Variants in ZNF550 observed in about 807,000 individuals in gnomAD.
ZNF550 encodes zinc finger protein 550.
In ZNF550, 42 loss-of-function variants were observed where a neutral mutation model predicts 40.2. The ratio of observed to expected loss-of-function variants is 1.05; its 90% CI spans 0.82 to 1.35. The LOEUF (loss-of-function observed/expected upper bound fraction) is 1.35. ZNF550 is among the 40% of genes most tolerant of loss of function. The pLI, the probability that ZNF550 is intolerant of heterozygous loss-of-function variation, is 0.00. For synonymous variants in ZNF550, 223 were observed against 198.6 expected (o/e 1.12, Z -1.03); for missense variants, 549 against 525.2 (o/e 1.05, Z -0.44).
exon 4 of ZNF550, chr19:57,546,782 A>G: frequency 7.3e-7 from 1 of 1,371,194 alleles, no homozygotes; most frequent in South Asian, 1.9e-5. Context: ...CCTTACATTC[A>G]CTGTATTCAC....
chr19:57,543,287 A>T, intron 4 of ZNF550: 1 of 740,688 alleles, frequency 1.4e-6, no homozygotes, highest in African/African-American at 1.9e-5. Context: ...ACATTTCCAC[A>T]TGTGCATGAA....
At chr19:57,559,546 A>C (rs1051529921) in intron 1 of ZNF550, 110 bp downstream of exon 1, 22 of 1,100,388 alleles carry the variant, frequency 2.0e-5, no homozygotes, top group Non-Finnish European at 2.6e-5. Context: ...GCCTCTAAGA[A>C]GCAACGGCAG....
At chr19:57,560,035 G>T (rs1199270163), upstream of ZNF550, among the ~76,000 whole-genome samples, 1 of 152,230 alleles carries the variant, frequency 6.6e-6, no homozygotes, top group Admixed American at 6.5e-5. Context: ...GTACACACTG[G>T]ATTGTAAATT....
At chr19:57,547,734 G>A in exon 4 of ZNF550, 1 of 1,614,128 alleles carries the variant, frequency 6.2e-7, no homozygotes, top group Non-Finnish European at 8.5e-7. Flanking sequence ...GTAATGCCCT[G>A]GAGTGCAGAC....
intron 4 of ZNF550, chr19:57,544,312 C>G (rs2089988837): frequency 1.0e-6 from 1 of 985,422 alleles, no homozygotes; most frequent in African/African-American, 1.7e-5. Context: ...GAGCTGGAAG[C>G]TAAGAAAAAC....
chr19:57,559,821 A>C, exon 1 of ZNF550: 9 of 689,318 alleles, frequency 1.3e-5, no homozygotes, highest in Non-Finnish European at 1.6e-5. Flanking sequence ...GCGGACCAAC[A>C]CGCCCCACCA....
chr19:57,561,100 T>TTC (rs1037830721), upstream of ZNF550, among the ~76,000 whole-genome samples: 136 of 152,364 alleles, frequency 8.9e-4, 1 homozygote, highest in South Asian at 0.015. The surrounding 1 kb of genome is among the most constrained non-coding windows in gnomAD (Gnocchi z 4.9). Context: ...TGGCCATTCT[T>TTC]TCTCTTATTT....
Position 57,545,879 on chromosome 19 carries a change from G to A in ZNF550, c.*518+578C>T, listed in dbSNP as rs567625778. On this transcript the variant is annotated intron_variant, in intron 4 of 4. Coordinates refer to ENST00000457177, the Ensembl canonical transcript of ZNF550. Reference sequence around the variant, plus strand: ...ATTACAAACATTAGCCAGGCGTAGTGGTGTATGCCTGTATCCCAAGCTACT... The same window carrying A: ...ATTACAAACATTAGCCAGGCGTAGTAGTGTATGCCTGTATCCCAAGCTACT... 5.3e-4 allele frequency among the ~76,000 whole-genome samples: 80 copies of A among 152,246 alleles called. 1 individual carries two copies. The South Asian group carries it at 0.015, about 28-fold the overall frequency.
chr19:57,549,305 C>T (rs758725163), intron 3 of ZNF550, among the ~76,000 whole-genome samples: 1 of 151,954 alleles, frequency 6.6e-6, no homozygotes, highest in South Asian at 2.1e-4. Context: ...ATTAGCCAGG[C>T]GTGGTGGTGC....
chr19:57,552,856 A>C, intron 2 of ZNF550, 134 bp from the exon 3 acceptor site: 1 of 634,256 alleles, frequency 1.6e-6, no homozygotes, highest in Non-Finnish European at 2.7e-6. Flanking sequence ...TGCTGATGTG[A>C]GCCCTGAAAA....
chr19:57,545,077 G>A (rs1031700620), intron 4 of ZNF550, among the ~76,000 whole-genome samples: 17 of 152,274 alleles, frequency 1.1e-4, no homozygotes, highest in Non-Finnish European at 2.4e-4. Flanking sequence ...AGCCAAGATC[G>A]CACTCCTGCA....
chr19:57,559,392 G>A (rs927449763), intron 1 of ZNF550, among the ~76,000 whole-genome samples: 2 of 152,160 alleles, frequency 1.3e-5, no homozygotes, highest in African/African-American at 2.4e-5. Context: ...GGAGGACTGC[G>A]GTCGCTCCTC....
At chr19:57,557,616 GTC>G (rs2090134283) in intron 1 of ZNF550, 1 of 152,120 alleles carries the variant, frequency 6.6e-6, no homozygotes, top group African/African-American at 2.4e-5. Flanking sequence ...TCTATACTTT[GTC>G]TCTGTGTCTT....
intron 3 of ZNF550, 107 bp from the exon 4 acceptor site, chr19:57,548,100 T>G: frequency 1.9e-6 from 2 of 1,033,324 alleles, no homozygotes; most frequent in Non-Finnish European, 2.8e-6. Context: ...GTGCCTATGA[T>G]ACTTGCTGCA....
intron 2 of ZNF550, chr19:57,556,025 G>A (rs2090117581): frequency 1.8e-6 from 1 of 569,314 alleles, no homozygotes; most frequent in Non-Finnish European, 3.0e-6. Flanking sequence ...AAGGACCTCA[G>A]AATGGGCTGA....
exon 4 of ZNF550, chr19:57,547,226 C>G (rs1293828652): frequency 2.5e-6 from 4 of 1,614,160 alleles, no homozygotes; most frequent in Non-Finnish European, 3.4e-6. Flanking sequence ...TAGGGCTTCT[C>G]TCCAGTGTGG....
exon 4 of ZNF550, chr19:57,547,538 A>G: frequency 6.2e-7 from 1 of 1,614,188 alleles, no homozygotes; most frequent in Non-Finnish European, 8.5e-7. Flanking sequence ...GCTTTCCCAC[A>G]TGCATTGCAT....
exon 5 of ZNF550, chr19:57,542,292 T>A (rs1333145981): frequency 6.7e-6 from 1 of 149,436 alleles, no homozygotes; most frequent in African/African-American, 2.5e-5. Context: ...TATAACATAA[T>A]TCCAGTTACA....
At chr19:57,546,839 C>T (rs1458442176) in exon 4 of ZNF550, 3 of 1,418,452 alleles carry the variant, frequency 2.1e-6, no homozygotes, top group African/African-American at 2.9e-5. Context: ...TAAGAAAGAG[C>T]TGACAAAAAA....
Sources: gnomAD v4.1 joint callset for allele counts (sites outside exome capture counted in the v4.1 genomes callset) on GRCh38, gnomAD v4.1.1 for gene constraint, Gnocchi (gnomAD v3.1) non-coding constraint, MANE v1.5 for transcripts, NCBI Gene and HGNC (gene_info 2026-07-23, HGNC 2026-07-21) for gene names.